NEGR1: variants seen among roughly 807,000 people sequenced by gnomAD.
NEGR1 encodes IgLON family member 4.
In NEGR1, 10 loss-of-function variants were observed where a neutral mutation model predicts 40.9. The observed-to-expected ratio is 0.24, with a 90% CI of 0.15 to 0.42. NEGR1 has a LOEUF of 0.42. NEGR1 is among the 10% of genes least tolerant of loss of function. NEGR1 has a pLI of 1.00. For missense variants in NEGR1, 352 were observed against 438.9 expected (o/e 0.80, Z 1.77); for synonymous variants, 185 against 166.8 (o/e 1.11, Z -0.84).
chr1:71,758,155 T>G (rs928984933), intron 3 of NEGR1, among the ~76,000 whole-genome samples: 2 of 152,086 alleles, frequency 1.3e-5, no homozygotes, highest in African/African-American at 4.8e-5. Context: ...ACCCAAGTCC[T>G]AACCATAGTC....
chr1:72,041,372 G>A (rs1020489409), intron 1 of NEGR1, among the ~76,000 whole-genome samples: 2 of 149,722 alleles, frequency 1.3e-5, no homozygotes, highest in African/African-American at 4.9e-5. Flanking sequence ...TAAATATTCA[G>A]GATTTTACAC....
intron 2 of NEGR1, among the ~76,000 whole-genome samples, chr1:71,816,705 A>G (rs1658230392): frequency 6.6e-6 from 1 of 151,980 alleles, no homozygotes; most frequent in Admixed American, 6.6e-5. Context: ...TTTGTTTCAT[A>G]CAGTCAAGTA....
At chr1:71,818,124 G>A (rs747800477) in intron 2 of NEGR1, among the ~76,000 whole-genome samples, 2 of 151,894 alleles carry the variant, frequency 1.3e-5, no homozygotes, top group African/African-American at 2.4e-5. Flanking sequence ...TGTGAAAAAC[G>A]GTGTAGCGAT....
intron 4 of NEGR1, among the ~76,000 whole-genome samples, chr1:71,644,477 CT>C (rs1250391543): frequency 6.6e-6 from 1 of 151,764 alleles, no homozygotes; most frequent in Admixed American, 6.6e-5. Flanking sequence ...TTAATGCTAA[CT>C]GTTTATGGCC....
intron 1 of NEGR1, among the ~76,000 whole-genome samples, chr1:72,280,597 T>C: frequency 6.6e-6 from 1 of 152,218 alleles, no homozygotes. Flanking sequence ...ATGAAAAGTT[T>C]TTTTTTACTG....
At chr1:72,274,415 ACC>A (rs1655966158) in intron 1 of NEGR1, 2 of 483,588 alleles carry the variant, frequency 4.1e-6, no homozygotes, top group Non-Finnish European at 7.5e-6. Flanking sequence ...AATCTCCTGA[ACC>A]TCAAGAGGAC....
chr1:71,761,244 GTT>G (rs1655928842), intron 3 of NEGR1, among the ~76,000 whole-genome samples: 1 of 152,124 alleles, frequency 6.6e-6, no homozygotes. Flanking sequence ...TATAGTCTCT[GTT>G]GCAACTATTC....
At chr1:71,707,626 T>A (rs1653945695) in intron 3 of NEGR1, among the ~76,000 whole-genome samples, 1 of 152,082 alleles carries the variant, frequency 6.6e-6, no homozygotes, top group African/African-American at 2.4e-5. Context: ...GCTTGCTGAC[T>A]ATAGAGCCCC....
At chr1:71,433,222 T>C (rs900344773) in intron 6 of NEGR1, among the ~76,000 whole-genome samples, 18 of 152,338 alleles carry the variant, frequency 1.2e-4, no homozygotes, top group African/African-American at 4.1e-4. Flanking sequence ...CTCTTATTTA[T>C]AAATTGTTCA....
At chr1:71,703,673 A>G (rs1653780146) in intron 3 of NEGR1, among the ~76,000 whole-genome samples, 1 of 151,984 alleles carries the variant, frequency 6.6e-6, no homozygotes. Context: ...AGAAATTAAC[A>G]GTGTATTAAA....
At chr1:72,154,093 C>T (rs1270582809) in intron 1 of NEGR1, among the ~76,000 whole-genome samples, 3 of 151,368 alleles carry the variant, frequency 2.0e-5, no homozygotes, top group Non-Finnish European at 3.0e-5. Flanking sequence ...GGAGATGTAA[C>T]CTGGATAGAT....
intron 6 of NEGR1, among the ~76,000 whole-genome samples, chr1:71,450,088 T>G (rs1646615074): frequency 1.3e-5 from 2 of 151,880 alleles, no homozygotes; most frequent in Admixed American, 6.6e-5. Flanking sequence ...CCTCCTGGGT[T>G]CAAGCGATTA....
chr1:72,248,007 G>A (rs546915588), intron 1 of NEGR1, among the ~76,000 whole-genome samples: 165 of 152,136 alleles, frequency 1.1e-3, no homozygotes, highest in African/African-American at 3.6e-3. Context: ...GAGAGTGTGC[G>A]TCGGCAGGGA....
chr1:71,845,936 T>TA (rs1318353870), intron 2 of NEGR1, among the ~76,000 whole-genome samples: 3 of 150,338 alleles, frequency 2.0e-5, no homozygotes, highest in Admixed American at 1.3e-4. Flanking sequence ...TTTTTTTTTT[T>TA]TTTTTTTTAA....
At chr1:71,578,405 G>A (rs1194026242) in intron 6 of NEGR1, among the ~76,000 whole-genome samples, 1 of 152,112 alleles carries the variant, frequency 6.6e-6, no homozygotes, top group African/African-American at 2.4e-5. Flanking sequence ...AGAACAAACT[G>A]TAGCTGAATT....
At chr1:72,034,143 T>G (rs75505986) in intron 1 of NEGR1, among the ~76,000 whole-genome samples, 1 of 151,960 alleles carries the variant, frequency 6.6e-6, no homozygotes, top group East Asian at 2.0e-4. Context: ...ATGTGTAGAA[T>G]TTTTTTTGGT....
At chr1:71,752,674 T>C (rs891447932) in intron 3 of NEGR1, among the ~76,000 whole-genome samples, 44 of 152,130 alleles carry the variant, frequency 2.9e-4, no homozygotes, top group African/African-American at 1.0e-3. Flanking sequence ...TAGAAGGAAA[T>C]ATCTCCCCGG....
chr1:71,454,774 C>T (rs1176635300), intron 6 of NEGR1, among the ~76,000 whole-genome samples: 1 of 152,176 alleles, frequency 6.6e-6, no homozygotes, highest in Non-Finnish European at 1.5e-5. Context: ...ACAAGATGTG[C>T]CTACCTATAC....
chr1:71,675,126 T>TATATATATATATATAC (rs145354058), intron 4 of NEGR1, among the ~76,000 whole-genome samples: 5 of 77,784 alleles, frequency 6.4e-5, no homozygotes, highest in African/African-American at 2.1e-4. Flanking sequence ...TATATATATA[T>TATATATATATATATAC]ACACACACAC....
Sources: gnomAD v4.1 joint callset for allele counts (sites outside exome capture counted in the v4.1 genomes callset) on GRCh38, gnomAD v4.1.1 for gene constraint, MANE v1.5 for transcripts, NCBI Gene and HGNC (gene_info 2026-07-23, HGNC 2026-07-21) for gene names.